The following MAD1L1 variants were observed in gnomAD, a reference collection of about 807,000 sequenced individuals.
MAD1L1 encodes the protein mitotic arrest deficient 1 like 1, also known as mitotic spindle assembly checkpoint protein MAD1.
In MAD1L1, 95 loss-of-function variants were observed where a neutral mutation model predicts 96.9. That is an observed-to-expected ratio of 0.98 (90% CI 0.83 to 1.16). The LOEUF is 1.16. MAD1L1 is among the 50% of genes most tolerant of loss of function. The pLI, the probability that MAD1L1 is intolerant of heterozygous loss-of-function variation, is 0.00. For synonymous variants in MAD1L1, 473 were observed against 396.6 expected, an observed-to-expected ratio of 1.19 and a Z score of -2.29; for missense variants, 1,007 against 954.4, an observed-to-expected ratio of 1.06 and a Z score of -0.73.
intron 18 of MAD1L1, among the ~76,000 whole-genome samples, chr7:1,831,540 G>T (rs1782704466): frequency 6.6e-6 from 1 of 152,168 alleles, no homozygotes; most frequent in African/African-American, 2.4e-5. Context: ...TAAATCAAAA[G>T]CTAGAGATAA....
chr7:1,928,928 C>T (rs540453265), intron 17 of MAD1L1, among the ~76,000 whole-genome samples: 2 of 152,200 alleles, frequency 1.3e-5, no homozygotes, highest in Non-Finnish European at 2.9e-5. Context: ...GTGGGGCCAG[C>T]GCCAGCCAAG....
At chr7:2,095,718 G>A (rs944412686) in intron 11 of MAD1L1, among the ~76,000 whole-genome samples, 1 of 152,270 alleles carries the variant, frequency 6.6e-6, no homozygotes, top group Non-Finnish European at 1.5e-5. Context: ...GGACACACAG[G>A]CGCACAAGGC....
chr7:1,977,147 G>T (rs1305493371), intron 15 of MAD1L1, among the ~76,000 whole-genome samples: 1 of 152,232 alleles, frequency 6.6e-6, no homozygotes, highest in African/African-American at 2.4e-5. Flanking sequence ...ATAGGACCAG[G>T]CGCCGCAGAG....
intron 11 of MAD1L1, among the ~76,000 whole-genome samples, chr7:2,118,863 C>T (rs1787843908): frequency 6.6e-6 from 1 of 152,224 alleles, no homozygotes; most frequent in Admixed American, 6.5e-5. Flanking sequence ...CATTCCACAG[C>T]CGTCTGGGTC....
chr7:2,084,973 C>A (rs903122432), intron 11 of MAD1L1, among the ~76,000 whole-genome samples: 6 of 152,184 alleles, frequency 3.9e-5, no homozygotes, highest in African/African-American at 1.4e-4. Context: ...TTATGTGTTT[C>A]CCACCACCCC....
chr7:1,957,223 C>T (rs2128473876), intron 16 of MAD1L1, among the ~76,000 whole-genome samples: 1 of 152,372 alleles, frequency 6.6e-6, no homozygotes, highest in East Asian at 1.9e-4. Flanking sequence ...AAATCAATGG[C>T]CTGTCCAAAA....
chr7:2,079,827 A>G, intron 11 of MAD1L1: 1 of 459,948 alleles, frequency 2.2e-6, no homozygotes, highest in Non-Finnish European at 4.5e-6. Flanking sequence ...TGCAGAGACA[A>G]GGGGGCAAGT....
At chr7:1,866,721 A>T (rs1215484387) in intron 18 of MAD1L1, among the ~76,000 whole-genome samples, 1 of 152,158 alleles carries the variant, frequency 6.6e-6, no homozygotes, top group East Asian at 1.9e-4. Flanking sequence ...GGCAGGGAAC[A>T]TCGTGAAAAC....
intron 12 of MAD1L1, among the ~76,000 whole-genome samples, chr7:2,048,825 C>A (rs9969125): frequency 2.0e-5 from 3 of 152,186 alleles, no homozygotes; most frequent in Non-Finnish European, 4.4e-5. Flanking sequence ...CAAGCCACCA[C>A]TCCCACTTCC....
intron 5 of MAD1L1, among the ~76,000 whole-genome samples, chr7:2,220,480 A>G (rs927298156): frequency 5.3e-5 from 8 of 152,236 alleles, no homozygotes; most frequent in African/African-American, 1.9e-4. Context: ...GACCCTGAGA[A>G]GCATCACTGT....
intron 13 of MAD1L1, among the ~76,000 whole-genome samples, chr7:2,009,415 A>G (rs567171978): frequency 6.6e-6 from 1 of 152,300 alleles, no homozygotes; most frequent in South Asian, 2.1e-4. Context: ...ACCGGTGGTC[A>G]TGGTCACGGT....
At chr7:1,823,467 C>G (rs756515936) in intron 18 of MAD1L1, among the ~76,000 whole-genome samples, 1 of 152,152 alleles carries the variant, frequency 6.6e-6, no homozygotes, top group African/African-American at 2.4e-5. Flanking sequence ...ATAAGCTACA[C>G]GACAGGGCGC....
intron 11 of MAD1L1, among the ~76,000 whole-genome samples, chr7:2,117,125 C>G (rs1264389567): frequency 6.6e-6 from 1 of 152,192 alleles, no homozygotes; most frequent in Non-Finnish European, 1.5e-5. Flanking sequence ...GCAGGAAAGA[C>G]CAGAAGCAGC....
intron 10 of MAD1L1, among the ~76,000 whole-genome samples, chr7:2,201,431 A>C (rs1054947744): frequency 6.6e-6 from 1 of 152,158 alleles, no homozygotes; most frequent in Non-Finnish European, 1.5e-5. Context: ...GCCCACAAGG[A>C]GGGGACAGCA....
At chr7:1,924,226 A>G (rs1232298677) in intron 17 of MAD1L1, among the ~76,000 whole-genome samples, 1 of 152,214 alleles carries the variant, frequency 6.6e-6, no homozygotes, top group Non-Finnish European at 1.5e-5. Flanking sequence ...CGTGCCACTA[A>G]GCTTGGTGTA....
Position 1,988,785 on chromosome 7 carries a change from C to T in MAD1L1, c.1417-8244G>A, listed in dbSNP as rs539691110. Among the ~76,000 whole-genome samples, 12 of 152,272 alleles carry T rather than the reference C, an allele frequency of 7.9e-5. No individual in the cohort carries two copies. In the East Asian group the frequency reaches 1.4e-3, roughly 17 times the overall value. ...CCTTCCAGGGGCCCTGCGTGTGCTCCGGGCAGTCCTAGCACTGAGCCTATC... is the reference window on the plus strand; with the variant it reads ...CCTTCCAGGGGCCCTGCGTGTGCTCTGGGCAGTCCTAGCACTGAGCCTATC... On this transcript the variant is annotated intron_variant, in intron 14 of 18. Coordinates refer to ENST00000265854, the MANE Select transcript of MAD1L1 (RefSeq NM_001013836.2).
At chr7:1,857,093 G>C (rs1784295298) in intron 18 of MAD1L1, among the ~76,000 whole-genome samples, 1 of 152,164 alleles carries the variant, frequency 6.6e-6, no homozygotes, top group East Asian at 1.9e-4. Flanking sequence ...CAGTGTCAGG[G>C]TCTCCCCCTC....
intron 16 of MAD1L1, among the ~76,000 whole-genome samples, chr7:1,953,394 C>T (rs1252480728): frequency 6.6e-6 from 1 of 152,238 alleles, no homozygotes; most frequent in Non-Finnish European, 1.5e-5. Context: ...ACCCAGGCCC[C>T]CGCCAGGGAG....
At chr7:2,030,162 C>G (rs1305911730) in intron 12 of MAD1L1, among the ~76,000 whole-genome samples, 1 of 152,204 alleles carries the variant, frequency 6.6e-6, no homozygotes, top group Non-Finnish European at 1.5e-5. Context: ...AAACGCGGAA[C>G]CCAGAGCTGT....
Sources: gnomAD v4.1 joint callset for allele counts (sites outside exome capture counted in the v4.1 genomes callset) on GRCh38, gnomAD v4.1.1 for gene constraint, MANE v1.5 for transcripts, NCBI Gene and HGNC (gene_info 2026-07-23, HGNC 2026-07-21) for gene names.